ADAP1: variants seen among roughly 807,000 people sequenced by gnomAD.
The protein encoded by ADAP1 is arf-GAP with dual PH domain-containing protein 1.
ADAP1 carries 31 observed loss-of-function variants against 54.9 expected under a neutral mutation model. The ratio of observed to expected loss-of-function variants is 0.56; its 90% CI spans 0.42 to 0.76. The LOEUF (loss-of-function observed/expected upper bound fraction) is 0.76, where lower values mean the gene tolerates loss of function less well. ADAP1 is among the 30% of genes least tolerant of loss of function. ADAP1 has a pLI of 0.00. For missense variants in ADAP1, 535 were observed against 512.4 expected (o/e 1.04, Z -0.42); for synonymous variants, 313 against 202.6 (o/e 1.55, Z -4.63).
In ADAP1 at chr7:906,362, AG is replaced by A. The variant is rs148029288; in HGVS notation, c.389-1191del. Among the ~76,000 whole-genome samples the A allele has an allele frequency of 7.5e-3, 9 of 1,196 alleles. 3 individuals carry two copies. The highest frequency in any genetic ancestry group is 0.058 in the African/African-American group (6 of 104). 0.8% of individuals were successfully genotyped at this position (1,196 alleles called of 152,430 possible). ...AAGGAGAAAGGGAAAGGAGAAAGGG[AG>A]AAAGAGAAAGGAGAAAGGAGAAAGG... On this transcript the variant is annotated intron_variant, in intron 4 of 10. Transcript: ENST00000265846.
At chr7:899,378 G>C in intron 9 of ADAP1, 41 bp downstream of exon 9, 4 of 1,610,310 alleles carry the variant, frequency 2.5e-6, no homozygotes, top group Non-Finnish European at 2.5e-6. Context: ...ACCCCAGCCA[G>C]TGAGCTGCCC....
At chr7:918,221 C>A (rs915538688) in intron 4 of ADAP1, among the ~76,000 whole-genome samples, 2 of 152,284 alleles carry the variant, frequency 1.3e-5, no homozygotes, top group South Asian at 2.1e-4. Flanking sequence ...CGTGCCCGAC[C>A]CTTTTTTGTT....
intron 7 of ADAP1, 111 bp from the exon 8 acceptor site, chr7:900,275 C>T (rs949279495): frequency 7.3e-7 from 1 of 1,362,744 alleles, no homozygotes; most frequent in Non-Finnish European, 1.0e-6. Context: ...GGTCAGGGCC[C>T]AGGCCTGGCT....
chr7:905,314 G>GGGA (rs1845082270), intron 4 of ADAP1, 142 bp from the exon 5 acceptor site: 1 of 433,298 alleles, frequency 2.3e-6, no homozygotes, highest in Non-Finnish European at 4.1e-6. Flanking sequence ...GAGACGGACG[G>GGGA]GGAGAGGGGA....
chr7:901,295 A>G, intron 6 of ADAP1: 1 of 327,378 alleles, frequency 3.1e-6, no homozygotes, highest in Non-Finnish European at 6.0e-6. Context: ...GGGTCTGCCC[A>G]GACCCTTGGC....
At chr7:928,832 C>A (rs1382441461) in intron 2 of ADAP1, among the ~76,000 whole-genome samples, 1 of 152,232 alleles carries the variant, frequency 6.6e-6, no homozygotes, top group African/African-American at 2.4e-5. Context: ...TAGAGTCCAG[C>A]GATTCCTCTG....
In ADAP1 at chr7:906,666, AGGGGACATGGACAGGGGACACG is replaced by A. The variant is rs1324810121; in HGVS notation, c.389-1516_389-1495del. ...AGGGAAAGGAGAAAGGGGGCGGGAA[AGGGGACATGGACAGGGGACACG>A]GGGGACATGGACATGGGGGACGGGA... is the stretch of plus-strand genomic sequence containing the variant. On this transcript the variant is annotated intron_variant, in intron 4 of 10. Coordinates refer to ENST00000265846, the MANE Select transcript of ADAP1 (RefSeq NM_006869.4). Among the ~76,000 whole-genome samples, 12 of 100,220 alleles carry A rather than the reference AGGGGACATGGACAGGGGACACG, an allele frequency of 1.2e-4. 1 individual carries two copies. Among genetic ancestry groups the A allele is most frequent in the East Asian group, 7.4e-4 (2 of 2,710 alleles). 65.7% of individuals were successfully genotyped at this position (100,220 alleles called of 152,430 possible).
chr7:901,363 G>C lies in ADAP1; in HGVS notation c.649-747C>G, dbSNP rs1297770981. 7.0e-5 allele frequency: 16 copies of C among 228,350 alleles called. No homozygotes were observed. The South Asian group carries it at 8.3e-4, about 12-fold the overall frequency. 14.1% of individuals were successfully genotyped at this position (228,350 alleles called of 1,614,324 possible). A position where few individuals can be genotyped will look rare whatever the true frequency, so the allele number is the denominator to read the frequency against. On this transcript the variant is annotated intron_variant, in intron 6 of 10. Transcript: ENST00000265846. ...CTGTTCAGCCTACAGCCTGGAGCTG[G>C]TGACCTCTGGAAAGGTGCCCATCTT...
Position 920,760 on chromosome 7 carries a change from G to A in ADAP1, c.306-710C>T, listed in dbSNP as rs1158191445. On this transcript the variant is annotated intron_variant, in intron 3 of 10. Transcript: ENST00000265846. This position sits in a 1 kb window ranked among gnomAD's most constrained non-coding sequence, Gnocchi z 4.5. Reference sequence around the variant, plus strand: ...TCCCTGCCCAGAGCCACCCACCACGGCCTCCCCATCCACCGTGACTCACTC... The same window carrying A: ...TCCCTGCCCAGAGCCACCCACCACGACCTCCCCATCCACCGTGACTCACTC... 9.7e-6 allele frequency: 15 copies of A among 1,543,346 alleles called. No homozygotes were observed. Among genetic ancestry groups the A allele is most frequent in the South Asian group, 1.2e-5 (1 of 83,750 alleles).
At chr7:913,764 G>A (rs1049349734) in intron 4 of ADAP1, among the ~76,000 whole-genome samples, 4 of 151,956 alleles carry the variant, frequency 2.6e-5, no homozygotes, top group African/African-American at 9.7e-5. Context: ...ATGAAATCCT[G>A]TCTCTACTAA....
intron 1 of ADAP1, among the ~76,000 whole-genome samples, chr7:953,743 T>G (rs1219656366): frequency 6.6e-6 from 1 of 152,190 alleles, no homozygotes; most frequent in Admixed American, 6.5e-5. Flanking sequence ...TCCAGTGCCT[T>G]GAAATCCCAC....
chr7:927,481 C>T (rs1021141310), intron 2 of ADAP1: 12 of 471,464 alleles, frequency 2.5e-5, no homozygotes, highest in African/African-American at 1.8e-4. Flanking sequence ...CACCTTCAAG[C>T]TCCTGAACAC....
At chr7:931,693 C>T (rs576385480) in intron 2 of ADAP1, among the ~76,000 whole-genome samples, 3 of 149,344 alleles carry the variant, frequency 2.0e-5, no homozygotes, top group East Asian at 2.0e-4. Flanking sequence ...GCCCTTTACA[C>T]GGTGAAATGT....
At chr7:919,837 T>C (rs1469159290) in intron 4 of ADAP1, 131 bp downstream of exon 4, 1 of 48,938 alleles carries the variant, frequency 2.0e-5, no homozygotes, top group South Asian at 1.9e-4. Context: ...GGGAGGGAGA[T>C]GGGGGGAGGG....
At chr7:936,045 C>G (rs1038353334) in intron 1 of ADAP1, among the ~76,000 whole-genome samples, 8 of 152,192 alleles carry the variant, frequency 5.3e-5, no homozygotes, top group Non-Finnish European at 7.3e-5. Flanking sequence ...TGACAGCGCC[C>G]GGCGGCCACT....
chr7:914,566 G>A (rs962236278), intron 4 of ADAP1, among the ~76,000 whole-genome samples: 2 of 152,142 alleles, frequency 1.3e-5, no homozygotes, highest in Non-Finnish European at 2.9e-5. Flanking sequence ...TCAGGGTGGG[G>A]GCCATGGGGA....
At position 898,434 on chromosome 7, in the gene ADAP1, C is replaced by A. The variant is rs138731347; in HGVS notation, c.*487G>T. The stretch of plus-strand genomic sequence containing the variant: ...AAACACCCCACGGCCCTCATAGCCC[C>A]GTGACACACAACAGGCGCTCAATAA... On this transcript the variant is annotated 3_prime_UTR_variant, in exon 11 of 11. Coordinates refer to ENST00000265846, the MANE Select transcript of ADAP1 (RefSeq NM_006869.4). 2 of 214,112 alleles carry A rather than the reference C, an allele frequency of 9.3e-6. No individual in the cohort carries two copies. The highest frequency in any genetic ancestry group is 5.2e-5 in the Admixed American group (1 of 19,266). The allele number at this position is 214,112 out of a possible 1,614,324, so 13.3% of individuals were successfully genotyped here.
chr7:906,689 G>GAGAA (rs1562915171), intron 4 of ADAP1, among the ~76,000 whole-genome samples: 1 of 51,160 alleles, frequency 2.0e-5, no homozygotes, highest in African/African-American at 8.6e-5. Flanking sequence ...AGGGGACACG[G>GAGAA]GGGACATGGA....
At chr7:905,883 A>AGAAGGGAGAAGGGAGAAGGGAGAAAGG (rs1562913155) in intron 4 of ADAP1, among the ~76,000 whole-genome samples, 2 of 8,594 alleles carry the variant, frequency 2.3e-4, no homozygotes, top group Non-Finnish European at 6.3e-4. Flanking sequence ...GGGAGAAAGG[A>AGAAGGGAGAAGGGAGAAGGGAGAAAGG]GAAAGGAGAA....
Sources: allele counts gnomAD v4.1 joint callset (sites outside exome capture counted in the v4.1 genomes callset), GRCh38; gene constraint gnomAD v4.1.1; non-coding constraint Gnocchi (gnomAD v3.1); transcripts MANE v1.5; gene names NCBI Gene and HGNC (gene_info 2026-07-23, HGNC 2026-07-21).